Variants in ZBTB25 observed in about 807,000 individuals in gnomAD.
ZBTB25 encodes zinc finger and BTB domain-containing protein 25.
ZBTB25 carries 20 observed loss-of-function variants against 34.2 expected under a neutral mutation model. The ratio of observed to expected loss-of-function variants is 0.58; its 90% confidence interval spans 0.41 to 0.85. ZBTB25 has a LOEUF of 0.85. ZBTB25 is among the 40% of genes least tolerant of loss of function. The pLI is 0.00. For synonymous variants in ZBTB25, 175 were observed against 186.4 expected (o/e 0.94, Z 0.50); for missense variants, 437 against 521.8 (o/e 0.84, Z 1.58).
intron 2 of ZBTB25, among the ~76,000 whole-genome samples, chr14:64,457,735 C>T (rs1045433163): frequency 6.6e-6 from 1 of 152,144 alleles, no homozygotes; most frequent in Non-Finnish European, 1.5e-5. Flanking sequence ...GGATTATAGG[C>T]ATGAGCCACC....
intron 1 of ZBTB25, among the ~76,000 whole-genome samples, chr14:64,495,440 C>T (rs921051753): frequency 6.6e-6 from 1 of 152,192 alleles, no homozygotes; most frequent in Non-Finnish European, 1.5e-5. Context: ...GGATTTTCTC[C>T]TGCACTTTCC....
intron 1 of ZBTB25, among the ~76,000 whole-genome samples, chr14:64,500,690 G>A (rs1417056798): frequency 6.6e-6 from 1 of 152,098 alleles, no homozygotes; most frequent in Non-Finnish European, 1.5e-5. Context: ...AGCTACTTGG[G>A]AGGCTGAGGC....
intron 2 of ZBTB25, among the ~76,000 whole-genome samples, chr14:64,456,158 A>G (rs1360063392): frequency 2.0e-5 from 3 of 152,244 alleles, no homozygotes; most frequent in African/African-American, 4.8e-5. Flanking sequence ...ATCTGGAAGC[A>G]GTCAGGCCAG....
chr14:64,501,190 G>T (rs1466936959), intron 1 of ZBTB25, among the ~76,000 whole-genome samples: 2 of 152,140 alleles, frequency 1.3e-5, no homozygotes, highest in African/African-American at 4.8e-5. Flanking sequence ...TTCCTTTTTA[G>T]GGAGAATACT....
At chr14:64,497,761 C>A (rs528491015) in intron 1 of ZBTB25, among the ~76,000 whole-genome samples, 2 of 152,248 alleles carry the variant, frequency 1.3e-5, no homozygotes, top group African/African-American at 4.8e-5. Context: ...TTAGAAAAAT[C>A]TACTGTACTA....
Position 64,454,822 on chromosome 14 carries a change from C to A in ZBTB25, c.174-5184G>T, listed in dbSNP as rs767011731. The A allele has an allele frequency of 4.3e-6, 7 of 1,614,192 alleles. No homozygotes were observed. In the South Asian group the frequency reaches 7.7e-5, roughly 18 times the overall value. On this transcript the variant is annotated intron_variant, in intron 2 of 2. Transcript: ENST00000555220. Reference sequence around the variant, plus strand: ...CCCTACAGGCTTCATTCTGCCCATTCGCGACATCCGCGCCAGCGTTGGGGC... The same window carrying A: ...CCCTACAGGCTTCATTCTGCCCATTAGCGACATCCGCGCCAGCGTTGGGGC...
intron 2 of ZBTB25, chr14:64,458,138 C>A: frequency 8.6e-7 from 1 of 1,157,852 alleles, no homozygotes. Flanking sequence ...TGATCCTCTC[C>A]ACCTCAGCCT....
At chr14:64,473,613 T>C (rs2078695645), downstream of ZBTB25, 3 of 167,106 alleles carry the variant, frequency 1.8e-5, no homozygotes, top group Non-Finnish European at 1.5e-5. Context: ...GTTAAGAATG[T>C]TTTTCGAGGT....
chr14:64,477,270 C>T (rs895078494), downstream of ZBTB25, among the ~76,000 whole-genome samples: 2 of 152,216 alleles, frequency 1.3e-5, no homozygotes, highest in Non-Finnish European at 2.9e-5. Flanking sequence ...GAGGCACCCC[C>T]TAGCACTGTG....
At chr14:64,469,634 G>A in intron 2 of ZBTB25, 1 of 1,606,074 alleles carries the variant, frequency 6.2e-7, no homozygotes, top group Non-Finnish European at 8.5e-7. Context: ...GCTGGTTAAT[G>A]AAATGGCCTC....
chr14:64,469,162 C>T lies in ZBTB25; in HGVS notation c.174-19524G>A, dbSNP rs1330450032. The T allele has an allele frequency of 3.1e-6, 5 of 1,614,102 alleles. No individual in the cohort carries two copies. In the Admixed American group the frequency reaches 5.0e-5, roughly 16 times the overall value. On this transcript the variant is annotated intron_variant, in intron 2 of 2. Transcript: ENST00000555220. ...GCCCACTTGAAACTTCAGAAACAGA[C>T]CATCAGCAGCCAGTACTTTCTGATG... is the stretch of plus-strand genomic sequence containing the variant.
intron 2 of ZBTB25, chr14:64,454,836 C>T (rs371245049): frequency 6.2e-7 from 1 of 1,614,232 alleles, no homozygotes; most frequent in Non-Finnish European, 8.5e-7. Flanking sequence ...ACATCCGCGC[C>T]AGCGTTGGGG....
chr14:64,497,524 A>C (rs992513923), intron 1 of ZBTB25, among the ~76,000 whole-genome samples: 1 of 142,042 alleles, frequency 7.0e-6, no homozygotes, highest in Non-Finnish European at 1.6e-5. Context: ...AAATACCAGA[A>C]TCAAAATATG....
Position 64,484,432 on chromosome 14 carries a change from A to G in ZBTB25, c.*2491T>C, listed in dbSNP as rs2078836619. 6.6e-6 allele frequency: 1 copy of G among 152,408 alleles called. No homozygotes were observed. The highest frequency in any genetic ancestry group is 1.5e-5 in the Non-Finnish European group (1 of 68,192). The allele number at this position is 152,408 out of a possible 1,614,324, so 9.4% of individuals were successfully genotyped here. On this transcript the variant is annotated 3_prime_UTR_variant, in exon 3 of 3. Transcript: ENST00000608382. ...CACGGTGGCTCACACCTGTAATCCC[A>G]GCACTATGGGAGGCCGAGGCTGGTG...
At chr14:64,453,934 C>G (rs1169335042) in intron 2 of ZBTB25, 1 of 914,454 alleles carries the variant, frequency 1.1e-6, no homozygotes, top group Non-Finnish European at 1.8e-6. Context: ...CTGGGTCCTC[C>G]CAGCCCTGCC....
At chr14:64,468,970 T>C (rs757588252) in intron 2 of ZBTB25, 15 of 1,613,852 alleles carry the variant, frequency 9.3e-6, no homozygotes, top group African/African-American at 1.3e-5. Context: ...AAGATGGTGA[T>C]GAGGTCTGTG....
At chr14:64,493,735 A>G (rs1288222209) in intron 1 of ZBTB25, among the ~76,000 whole-genome samples, 1 of 152,070 alleles carries the variant, frequency 6.6e-6, no homozygotes, top group Non-Finnish European at 1.5e-5. Flanking sequence ...TTCAGATTAC[A>G]TTTTCAGAGT....
In ZBTB25 at chr14:64,503,461, T is replaced by C. The variant is rs867293276; in HGVS notation, c.-8+200A>G. 1.3e-5 allele frequency: 13 copies of C among 985,450 alleles called. No homozygotes were observed. In the African/African-American group the frequency reaches 2.3e-4, roughly 17 times the overall value. The allele number at this position is 985,450 out of a possible 1,614,324, so 61.0% of individuals were successfully genotyped here. ...GAGCAGCAAAGGGTGGTTCTGGGTA[T>C]TGTCGGCCCAGCGCTCACTCGCGGA... On this transcript the variant is annotated intron_variant, in intron 1 of 2. Transcript: ENST00000608382.
intron 2 of ZBTB25, chr14:64,460,008 T>C (rs1334066790): frequency 4.7e-6 from 6 of 1,280,174 alleles, no homozygotes; most frequent in East Asian, 5.0e-5. Flanking sequence ...GTTTGCCATC[T>C]TGGTGTTGCA....
Sources: gnomAD v4.1 joint callset for allele counts (sites outside exome capture counted in the v4.1 genomes callset) on GRCh38, gnomAD v4.1.1 for gene constraint, MANE v1.5 for transcripts, NCBI Gene and HGNC (gene_info 2026-07-23, HGNC 2026-07-21) for gene names.